SYNE2: variants seen among roughly 807,000 people sequenced by gnomAD.
SYNE2 encodes the protein spectrin repeat containing nuclear envelope protein 2.
A neutral mutation model predicts 856.3 loss-of-function variants in SYNE2; 431 were observed. The ratio of observed to expected loss-of-function variants is 0.50; its 90% CI spans 0.47 to 0.55. The LOEUF is 0.55. Among genes scored for constraint, SYNE2 ranks in the 20% least tolerant of loss-of-function variants. The pLI, the probability that SYNE2 is intolerant of heterozygous loss-of-function variation, is 0.00. For missense variants in SYNE2, 8,129 were observed against 8,023.2 expected, an observed-to-expected ratio of 1.01 and a Z score of -0.50; for synonymous variants, 2,923 against 2,872.3, an observed-to-expected ratio of 1.02 and a Z score of -0.56.
intron 1 of SYNE2, among the ~76,000 whole-genome samples, chr14:63,830,075 A>G (rs888776525): frequency 6.6e-6 from 1 of 152,180 alleles, no homozygotes; most frequent in South Asian, 2.1e-4. Context: ...ATAGAACAAG[A>G]TGGGTGAAAC....
chr14:63,853,507 G>A, intron 1 of SYNE2, among the ~76,000 whole-genome samples: 1 of 151,656 alleles, frequency 6.6e-6, no homozygotes, highest in East Asian at 1.9e-4. Flanking sequence ...CGGGTGCCCC[G>A]GCCGCCCCCT....
intron 61 of SYNE2, among the ~76,000 whole-genome samples, chr14:64,095,388 C>T (rs1248518725): frequency 6.6e-6 from 1 of 152,194 alleles, no homozygotes. Flanking sequence ...TACTGGCCTA[C>T]TTTGTACTTC....
At chr14:64,006,413 CTT>C (rs1176096452) in intron 30 of SYNE2, among the ~76,000 whole-genome samples, 2 of 152,142 alleles carry the variant, frequency 1.3e-5, no homozygotes, top group African/African-American at 2.4e-5. Context: ...CACGTATGCG[CTT>C]TGTCTCTCTC....
chr14:63,917,943 A>C (rs1327151239), intron 2 of SYNE2, among the ~76,000 whole-genome samples: 2 of 151,782 alleles, frequency 1.3e-5, no homozygotes, highest in Non-Finnish European at 2.9e-5. Flanking sequence ...GGATAAGCTT[A>C]CTTTATTCTG....
chr14:63,966,934 C>T (rs192409722), intron 10 of SYNE2, among the ~76,000 whole-genome samples: 1 of 151,792 alleles, frequency 6.6e-6, no homozygotes, highest in East Asian at 1.9e-4. Context: ...GGCGTGATCT[C>T]GGCTCACTGC....
At chr14:63,822,492 C>T (rs934213230) in intron 1 of SYNE2, among the ~76,000 whole-genome samples, 3 of 151,844 alleles carry the variant, frequency 2.0e-5, no homozygotes, top group Admixed American at 6.6e-5. Flanking sequence ...AATCATTTAA[C>T]ACTGCAGATG....
chr14:64,054,887 A>G (rs1420169531), intron 48 of SYNE2, among the ~76,000 whole-genome samples: 1 of 152,216 alleles, frequency 6.6e-6, no homozygotes, highest in Admixed American at 6.5e-5. Context: ...GAATATTTTG[A>G]TAGGTGTAAA....
chr14:64,198,775 C>T (rs748360366), intron 99 of SYNE2, among the ~76,000 whole-genome samples: 6 of 152,200 alleles, frequency 3.9e-5, no homozygotes, highest in Non-Finnish European at 4.4e-5. Context: ...GGCAGAAGGG[C>T]TCTGATATGC....
At chr14:63,970,873 G>A (rs1298399253) in intron 11 of SYNE2, among the ~76,000 whole-genome samples, 2 of 151,332 alleles carry the variant, frequency 1.3e-5, no homozygotes, top group Admixed American at 6.6e-5. Flanking sequence ...GGCTGGTCTC[G>A]AACTCCTGAC....
At chr14:64,075,879 T>G (rs1438619910) in intron 53 of SYNE2, 66 bp from the exon 54 acceptor site, 17 of 1,579,996 alleles carry the variant, frequency 1.1e-5, no homozygotes, top group Non-Finnish European at 1.4e-5. Flanking sequence ...GAAGGCTGCT[T>G]TCACTTTTTA....
intron 19 of SYNE2, among the ~76,000 whole-genome samples, chr14:63,987,259 A>G (rs1250199232): frequency 1.3e-5 from 2 of 151,910 alleles, no homozygotes; most frequent in Admixed American, 6.6e-5. Flanking sequence ...CTTCTGGGAA[A>G]AAAAAAAAAA....
intron 112 of SYNE2, 34 bp from the exon 113 acceptor site, chr14:64,223,155 A>C: frequency 6.2e-7 from 1 of 1,611,744 alleles, no homozygotes; most frequent in Non-Finnish European, 8.5e-7. Context: ...CCCTTTGGAC[A>C]GGTCACTGTT....
intron 94 of SYNE2, among the ~76,000 whole-genome samples, chr14:64,174,507 A>G (rs1170062569): frequency 6.6e-6 from 1 of 152,242 alleles, no homozygotes; most frequent in African/African-American, 2.4e-5. Context: ...TAAGAAATGT[A>G]TATTTTTTGT....
intron 2 of SYNE2, among the ~76,000 whole-genome samples, chr14:63,917,760 G>C (rs755695442): frequency 6.6e-6 from 1 of 152,108 alleles, no homozygotes; most frequent in Admixed American, 6.6e-5. Flanking sequence ...ATGAGTCACC[G>C]CACCTGGCCT....
chr14:63,805,321 A>C (rs1393855575), intron 1 of SYNE2, among the ~76,000 whole-genome samples: 3 of 152,222 alleles, frequency 2.0e-5, no homozygotes, highest in Non-Finnish European at 4.4e-5. Context: ...TGACCACTTT[A>C]ACAATATTGA....
intron 52 of SYNE2, 121 bp from the exon 53 acceptor site, chr14:64,073,847 G>C (rs2097433898): frequency 9.0e-7 from 1 of 1,108,054 alleles, no homozygotes; most frequent in Non-Finnish European, 1.3e-6. Context: ...TTTTCTTAGA[G>C]GAAATAACCA....
Position 64,221,651 on chromosome 14 carries a change from A to G in SYNE2, c.20137A>G (p.Thr6713Ala). The change falls in exon 112 of 116, where the codon ACC becomes GCC. Residue 6713 changes from threonine (T) to alanine (A), a missense_variant. Coordinates refer to ENST00000555002, the MANE Select transcript of SYNE2 (RefSeq NM_182914.3). The stretch of plus-strand genomic sequence containing the variant: ...GAACCGGAGGCAGAAGGCTCATGTC[A>G]CCGATCCAAAGGCAGACCCCCGGGC... The part of the protein sequence containing the change: ...AKNRRQKAHV[T>A]DPKADPRALL... 1.2e-5 allele frequency: 19 copies of G among 1,614,024 alleles called. No individual in the cohort carries two copies. The highest frequency in any genetic ancestry group is 1.6e-5 in the Non-Finnish European group (19 of 1,180,010).
At position 64,029,967 on chromosome 14, in the gene SYNE2, A is replaced by T; in HGVS notation, c.6787A>T (p.Thr2263Ser). The change falls in exon 44 of 116, where the codon ACT becomes TCT. Residue 2263 changes from threonine to serine, a missense_variant. Transcript: ENST00000555002. ...SYQVCVTDLNTTLDNFSKEFV... is the reference protein window; with the variant it reads ...SYQVCVTDLNSTLDNFSKEFV... Reference sequence around the variant, plus strand: ...CCAGGTTTGCGTCACAGACCTGAATACTACATTGGACAATTTCTCCAAGGA... The same window carrying T: ...CCAGGTTTGCGTCACAGACCTGAATTCTACATTGGACAATTTCTCCAAGGA... The T allele has an allele frequency of 6.2e-7, 1 of 1,614,096 alleles. No individual in the cohort carries two copies. The highest frequency in any genetic ancestry group is 8.5e-7 in the Non-Finnish European group (1 of 1,179,962).
At chr14:64,138,243 G>A (rs2098112254) in intron 79 of SYNE2, among the ~76,000 whole-genome samples, 1 of 151,698 alleles carries the variant, frequency 6.6e-6, no homozygotes, top group Admixed American at 6.6e-5. Flanking sequence ...TTTTTAAGGA[G>A]GCAAGGTCTT....
Sources: allele counts gnomAD v4.1 joint callset (sites outside exome capture counted in the v4.1 genomes callset), GRCh38; gene constraint gnomAD v4.1.1; transcripts MANE v1.5; gene names NCBI Gene and HGNC (gene_info 2026-07-23, HGNC 2026-07-21).